Variants in ARMC9 observed in about 807,000 individuals in gnomAD.
ARMC9 encodes lisH domain-containing protein ARMC9.
ARMC9 carries 94 observed loss-of-function variants against 107.0 expected under a neutral mutation model. That is an observed-to-expected ratio of 0.88 (90% CI 0.74 to 1.04). ARMC9 has a LOEUF of 1.04. Among genes scored for constraint, ARMC9 ranks in the 50% least tolerant of loss-of-function variants. The pLI is 0.00. For synonymous variants in ARMC9, 380 were observed against 396.9 expected (o/e 0.96, Z 0.51); for missense variants, 942 against 1,030.1 (o/e 0.91, Z 1.17).
intron 9 of ARMC9, among the ~76,000 whole-genome samples, chr2:231,253,308 T>C (rs2037470229): frequency 6.6e-6 from 1 of 152,020 alleles, no homozygotes; most frequent in African/African-American, 2.4e-5. Flanking sequence ...AGAGATGGAG[T>C]GTCACCATGT....
rs189760384 is a variant in ARMC9, at chr2:231,280,036, A to G, written c.1551+1578A>G. The stretch of plus-strand genomic sequence containing the variant: ...CAGGCAGGTGAAACCAGTGGGAAAC[A>G]TATTCTTCCATCTCATAATAAAGGT... On this transcript the variant is annotated intron_variant, in intron 16 of 24. Coordinates refer to ENST00000611582, the MANE Select transcript of ARMC9 (RefSeq NM_001352754.2). Among the ~76,000 whole-genome samples the G allele has an allele frequency of 2.0e-4, 30 of 152,324 alleles. No individual in the cohort carries two copies. In the East Asian group the frequency reaches 5.4e-3, roughly 27 times the overall value.
chr2:231,360,725 T>C lies in ARMC9; in HGVS notation c.2132-29T>C. 6.5e-7 allele frequency: 1 copy of C among 1,536,130 alleles called. No individual in the cohort carries two copies. The highest frequency in any genetic ancestry group is 1.2e-5 in the South Asian group (1 of 84,066). The stretch of plus-strand genomic sequence containing the variant: ...CCTTAGAGGGGCTCCAGAGCAGATG[T>C]GGACTGAACTTTCTCTCCTCCTCCC... On this transcript the variant is annotated intron_variant, in intron 22 of 24. Coordinates refer to ENST00000611582, the MANE Select transcript of ARMC9 (RefSeq NM_001352754.2). This position sits in a 1 kb window ranked among gnomAD's most constrained non-coding sequence, Gnocchi z 4.7.
chr2:231,283,536 TCTC>T (rs1276508472), intron 17 of ARMC9, among the ~76,000 whole-genome samples: 1 of 152,098 alleles, frequency 6.6e-6, no homozygotes, highest in African/African-American at 2.4e-5. Flanking sequence ...TTCAGGCGAT[TCTC>T]CTGTCTCAGC....
At chr2:231,221,160 G>A (rs1012875276) in intron 5 of ARMC9, among the ~76,000 whole-genome samples, 1 of 152,172 alleles carries the variant, frequency 6.6e-6, no homozygotes, top group Non-Finnish European at 1.5e-5. Flanking sequence ...TCCTAGGGGA[G>A]GATCCTTCCT....
intron 19 of ARMC9, among the ~76,000 whole-genome samples, chr2:231,318,776 C>G (rs1190886853): frequency 1.3e-5 from 2 of 152,218 alleles, no homozygotes; most frequent in African/African-American, 4.8e-5. Flanking sequence ...CACTTGATAA[C>G]TGTAGAGAGG....
At chr2:231,203,322 A>G (rs1434831000) in intron 1 of ARMC9, among the ~76,000 whole-genome samples, 1 of 152,190 alleles carries the variant, frequency 6.6e-6, no homozygotes, top group Non-Finnish European at 1.5e-5. Context: ...CCAGCTGCTC[A>G]GATCCCAGGG....
At chr2:231,212,270 TA>T (rs1361064998) in intron 3 of ARMC9, among the ~76,000 whole-genome samples, 12 of 152,226 alleles carry the variant, frequency 7.9e-5, no homozygotes, top group Non-Finnish European at 1.5e-4. Context: ...TTTGTGACTG[TA>T]AGTTATAATA....
chr2:231,212,001 T>G (rs913184882), intron 3 of ARMC9, among the ~76,000 whole-genome samples: 4 of 151,752 alleles, frequency 2.6e-5, no homozygotes, highest in South Asian at 4.2e-4. Flanking sequence ...TGAAGAAGAG[T>G]GGGGAAAAAA....
chr2:231,289,189 T>C (rs532018451), intron 17 of ARMC9, among the ~76,000 whole-genome samples: 1 of 152,306 alleles, frequency 6.6e-6, no homozygotes, highest in East Asian at 1.9e-4. Flanking sequence ...ATATTTTGGC[T>C]GGGCACACAA....
At chr2:231,215,814 C>A (rs78574808) in intron 4 of ARMC9, among the ~76,000 whole-genome samples, 1 of 152,088 alleles carries the variant, frequency 6.6e-6, no homozygotes, top group African/African-American at 2.4e-5. Flanking sequence ...TTGTGGTAGC[C>A]GTTGTTGGAA....
In ARMC9 at chr2:231,327,437, T is replaced by C. The variant is rs1010150092; in HGVS notation, c.1774-4356T>C. Among the ~76,000 whole-genome samples the C allele has an allele frequency of 7.2e-5, 11 of 152,222 alleles. 1 individual carries two copies. Among genetic ancestry groups the C allele is most frequent in the Admixed American group, 6.5e-4 (10 of 15,286 alleles). On this transcript the variant is annotated intron_variant, in intron 19 of 24. Transcript: ENST00000611582. The stretch of plus-strand genomic sequence containing the variant: ...ATGTTATAGAAATGGAATCATATAG[T>C]ATGCAACCATTGAGGACTGGCTTTT...
intron 19 of ARMC9, among the ~76,000 whole-genome samples, chr2:231,328,900 C>T (rs558648329): frequency 3.3e-5 from 5 of 149,594 alleles, no homozygotes; most frequent in Non-Finnish European, 5.9e-5. Flanking sequence ...CTGCAAGCTC[C>T]GCCTCCCGGG....
In ARMC9 at chr2:231,214,909, A is replaced by T. The variant is rs746287033; in HGVS notation, c.256A>T (p.Ile86Phe). The T allele has an allele frequency of 6.2e-7, 1 of 1,614,072 alleles. No individual in the cohort carries two copies. Among genetic ancestry groups the T allele is most frequent in the African/African-American group, 1.3e-5 (1 of 74,934 alleles). ...DLWEEHISSSIRDGDSFAQKL... is the reference protein window; with the variant it reads ...DLWEEHISSSFRDGDSFAQKL... ...GTGGGAGGAGCACATTTCAAGTTCCATCCGAGATGGGGACTCCTTTGCCCA... is the reference window on the plus strand; with the variant it reads ...GTGGGAGGAGCACATTTCAAGTTCCTTCCGAGATGGGGACTCCTTTGCCCA... Residue 86 changes from isoleucine (I) to phenylalanine (F), a missense_variant, in exon 4 of 25, where the codon ATC becomes TTC. Coordinates refer to ENST00000611582, the MANE Select transcript of ARMC9 (RefSeq NM_001352754.2).
At chr2:231,218,202 A>G (rs1380753548) in intron 5 of ARMC9, among the ~76,000 whole-genome samples, 3 of 152,210 alleles carry the variant, frequency 2.0e-5, no homozygotes, top group African/African-American at 7.2e-5. Flanking sequence ...TTTGTAGAGT[A>G]GCCCAAGTTG....
Position 231,216,759 on chromosome 2 carries a change from C to G in ARMC9, c.470C>G (p.Pro157Arg). 6.2e-7 allele frequency: 1 copy of G among 1,614,052 alleles called. No individual in the cohort carries two copies. The highest frequency in any genetic ancestry group is 1.3e-5 in the African/African-American group (1 of 75,028). ...PFYALPFVPN[P>R]MVHPSFKELF... is the part of the protein sequence containing the mutation. ...TATGCCCTTCCTTTTGTTCCCAACCCTATGGTGCACCCCTCATTTAAAGAA... is the reference window on the plus strand; with the variant it reads ...TATGCCCTTCCTTTTGTTCCCAACCGTATGGTGCACCCCTCATTTAAAGAA... The change falls in exon 5 of 25, where the codon CCT (proline) becomes CGT (arginine). Residue 157 changes from proline to arginine, a missense_variant. Coordinates refer to ENST00000611582, the MANE Select transcript of ARMC9 (RefSeq NM_001352754.2).
Position 231,300,514 on chromosome 2 carries a change from A to G in ARMC9, c.1773+4261A>G, listed in dbSNP as rs532820266. 8.1e-4 allele frequency among the ~76,000 whole-genome samples: 123 copies of G among 152,304 alleles called. 4 individuals are homozygous for G. The South Asian group carries it at 0.013, about 16-fold the overall frequency. ...CTGCTGGCAGTGCCGGGTGCCAGGC[A>G]CTGTTCTAGGCGCCTTATGGGTGTT... is the stretch of plus-strand genomic sequence containing the variant. On this transcript the variant is annotated intron_variant, in intron 19 of 24. Coordinates refer to ENST00000611582, the MANE Select transcript of ARMC9 (RefSeq NM_001352754.2).
chr2:231,346,629 C>T (rs911684625), intron 21 of ARMC9, among the ~76,000 whole-genome samples: 3 of 152,172 alleles, frequency 2.0e-5, no homozygotes, highest in Non-Finnish European at 2.9e-5. Flanking sequence ...AATTTACATG[C>T]GTATACATTT....
intron 19 of ARMC9, among the ~76,000 whole-genome samples, chr2:231,306,514 G>A (rs1240590804): frequency 6.6e-6 from 1 of 152,160 alleles, no homozygotes. Flanking sequence ...ACAAGAAATA[G>A]AAAAATGTGG....
rs1224289799 is a variant in ARMC9, at chr2:231,297,697, A to G, written c.1773+1444A>G. The stretch of plus-strand genomic sequence containing the variant: ...AAAGCAGGCACCTGACTCGTGGGCC[A>G]TTGTTTGCCAGCCCCTAGGCAGTTC... On this transcript the variant is annotated intron_variant, in intron 19 of 24. Coordinates refer to ENST00000611582, the MANE Select transcript of ARMC9 (RefSeq NM_001352754.2). This position sits in a 1 kb window ranked among gnomAD's most constrained non-coding sequence, Gnocchi z 4.2. 6.6e-6 allele frequency among the ~76,000 whole-genome samples: 1 copy of G among 152,240 alleles called. No individual in the cohort carries two copies. The highest frequency in any genetic ancestry group is 1.5e-5 in the Non-Finnish European group (1 of 68,042).
Sources: gnomAD v4.1 joint callset for allele counts (sites outside exome capture counted in the v4.1 genomes callset) on GRCh38, gnomAD v4.1.1 for gene constraint, Gnocchi (gnomAD v3.1) non-coding constraint, MANE v1.5 for transcripts, NCBI Gene and HGNC (gene_info 2026-07-23, HGNC 2026-07-21) for gene names.